Variants in ATM observed in about 807,000 individuals in gnomAD.
The protein encoded by ATM is ATM serine/threonine kinase, also known as serine-protein kinase ATM.
ATM carries 308 observed loss-of-function variants against 387.0 expected under a neutral mutation model. The observed-to-expected ratio is 0.80, with a 90% CI of 0.73 to 0.87. ATM has a LOEUF of 0.87. Ranked by LOEUF, ATM falls within the 40% of genes least tolerant of loss-of-function variation. ATM has a pLI of 0.00. For missense variants in ATM, 3,312 were observed against 3,560.9 expected, an observed-to-expected ratio of 0.93 and a Z score of 1.78; for synonymous variants, 1,156 against 1,187.3, an observed-to-expected ratio of 0.97 and a Z score of 0.54.
chr11:108,303,390 G>A (rs964841380), intron 36 of ATM, among the ~76,000 whole-genome samples: 2 of 152,024 alleles, frequency 1.3e-5, no homozygotes, highest in South Asian at 2.1e-4. Flanking sequence ...AAAGGAGTGG[G>A]GCAGCAATCA....
chr11:108,283,314 T>C (rs529636159), intron 25 of ATM, among the ~76,000 whole-genome samples: 3 of 152,344 alleles, frequency 2.0e-5, no homozygotes, highest in Admixed American at 6.5e-5. Context: ...AGTTATTACT[T>C]CTATTAGATT....
At chr11:108,322,888 T>C (rs2085337396) in intron 45 of ATM, among the ~76,000 whole-genome samples, 2 of 151,514 alleles carry the variant, frequency 1.3e-5, no homozygotes, top group Admixed American at 1.3e-4. Context: ...TGCTACTAGA[T>C]AAAAGAAGTG....
rs192262858 is a variant in ATM at position 108,310,451 on chromosome 11, A to G, written c.5918+136A>G. On this transcript the variant is annotated intron_variant, in intron 39 of 62. Coordinates refer to ENST00000675843, the MANE Select transcript of ATM (RefSeq NM_000051.4). The stretch of plus-strand genomic sequence containing the variant: ...AGATAGAAATTTTGTTTTAAAGTGA[A>G]ATTATAATAAATTTTTAAAAAGGAA... 145 of 785,826 alleles carry G rather than the reference A, an allele frequency of 1.8e-4. 2 individuals are homozygous for G. The African/African-American group carries it at 2.4e-3, about 13-fold the overall frequency. The allele number at this position is 785,826 out of a possible 1,614,324, so 48.7% of individuals were successfully genotyped here. A position where few individuals can be genotyped will look rare whatever the true frequency, so the allele number is the denominator to read the frequency against.
rs1385019623 is a variant in ATM at position 108,250,920 on chromosome 11, T to C, written c.1455T>C (p.Asn485=). The stretch of plus-strand genomic sequence containing the variant: ...AGTCAGATTTATTAAAACTCTGGAA[T>C]AAAATTTGGTGTATTACCTTTCGTG... ...SQKSDLLKLW[N]KIWCITFRGI... The change falls in exon 10 of 63, where the codon AAT becomes AAC. Residue 485 remains asparagine (N), a synonymous_variant. Coordinates refer to ENST00000675843, the MANE Select transcript of ATM (RefSeq NM_000051.4). 3.1e-6 allele frequency: 5 copies of C among 1,614,070 alleles called. No individual in the cohort carries two copies. The highest frequency in any genetic ancestry group is 2.7e-5 in the African/African-American group (2 of 74,928).
intron 59 of ATM, among the ~76,000 whole-genome samples, chr11:108,350,324 C>T (rs1447981420): frequency 2.6e-5 from 4 of 151,986 alleles, no homozygotes; most frequent in Non-Finnish European, 4.4e-5. Flanking sequence ...TTGTCTCTAC[C>T]CCTGGGCTGA....
At position 108,301,720 on chromosome 11, in the gene ATM, G is replaced by T. The variant is rs587779845; in HGVS notation, c.5250G>T (p.Trp1750Cys). 5.6e-6 allele frequency: 9 copies of T among 1,613,470 alleles called. No individual in the cohort carries two copies. Among genetic ancestry groups the T allele is most frequent in the Non-Finnish European group, 7.6e-6 (9 of 1,179,770 alleles). Residue 1750 changes from tryptophan to cysteine, a missense_variant, in exon 35 of 63, where the codon TGG (tryptophan) becomes TGT (cysteine). Transcript: ENST00000675843. ...CCACAAAGACTGGACATAGTTTCTG[G>T]GAGATTTATAAGATGACAACAGATC... ...ILATKTGHSF[W>C]EIYKMTTDPM...
chr11:108,363,111 A>C (rs1305118630), intron 61 of ATM, among the ~76,000 whole-genome samples: 1 of 152,064 alleles, frequency 6.6e-6, no homozygotes, highest in Admixed American at 6.6e-5. Context: ...TTCAAGAATA[A>C]TTTTCCCAGT....
rs2078887941 is a variant in ATM at position 108,229,253 on chromosome 11, A to G, written c.261A>G (p.Gln87=). The G allele has an allele frequency of 6.2e-7, 1 of 1,613,744 alleles. No individual in the cohort carries two copies. Among genetic ancestry groups the G allele is most frequent in the Admixed American group, 1.7e-5 (1 of 59,984 alleles). ...AACCAAATGTATCAGCCTCAACACAAGCCTCCAGGCAGAAAAAGATGCAGG... is the reference window on the plus strand; with the variant it reads ...AACCAAATGTATCAGCCTCAACACAGGCCTCCAGGCAGAAAAAGATGCAGG... ...IAKPNVSAST[Q]ASRQKKMQEI... The change falls in exon 4 of 63, where the codon CAA becomes CAG. Residue 87 remains glutamine (Q), a synonymous_variant. Coordinates refer to ENST00000675843, the MANE Select transcript of ATM (RefSeq NM_000051.4).
chr11:108,349,446 C>T (rs143490066), intron 59 of ATM, among the ~76,000 whole-genome samples: 120 of 152,184 alleles, frequency 7.9e-4, no homozygotes, highest in African/African-American at 2.6e-3. Context: ...AGGTGGATCA[C>T]GAGGTCAGGA....
intron 52 of ATM, among the ~76,000 whole-genome samples, 161 bp downstream of exon 52, chr11:108,332,198 C>T (rs1165358053): frequency 6.6e-6 from 1 of 152,168 alleles, no homozygotes; most frequent in East Asian, 1.9e-4. Flanking sequence ...GAGGCTGAGG[C>T]GGGTGGATTA....
chr11:108,365,980 A>G lies in ATM; in HGVS notation c.*472A>G, dbSNP rs2091298913. ...GGAGGTGAAGGTTGCTGTGGGCCAA[A>G]ATCATGCCATTGCACTCCAGCCTGG... On this transcript the variant is annotated 3_prime_UTR_variant, in exon 63 of 63. Coordinates refer to ENST00000675843, the MANE Select transcript of ATM (RefSeq NM_000051.4). 1.1e-5 allele frequency: 2 copies of G among 174,842 alleles called. No homozygotes were observed. Among genetic ancestry groups the G allele is most frequent in the Non-Finnish European group, 2.5e-5 (2 of 81,474 alleles). The allele number at this position is 174,842 out of a possible 1,614,324, so 10.8% of individuals were successfully genotyped here. A position where few individuals can be genotyped will look rare whatever the true frequency, so the allele number is the denominator to read the frequency against.
intron 5 of ATM, among the ~76,000 whole-genome samples, chr11:108,240,124 A>T (rs947349110): frequency 6.6e-6 from 1 of 152,214 alleles, no homozygotes; most frequent in South Asian, 2.1e-4. Flanking sequence ...CCAGAGTCCA[A>T]GGTTCACTTT....
intron 4 of ATM, among the ~76,000 whole-genome samples, chr11:108,233,316 T>TTA (rs2079111937): frequency 1.3e-5 from 2 of 152,154 alleles, no homozygotes; most frequent in African/African-American, 4.8e-5. Context: ...GCCTCTCTAA[T>TTA]CCTAGTACTT....
At chr11:108,273,331 C>A (rs1182949992) in intron 22 of ATM, among the ~76,000 whole-genome samples, 1 of 80,656 alleles carries the variant, frequency 1.2e-5, no homozygotes. Context: ...TAATTTCATT[C>A]TTTTTTTTTT....
rs1046542598 is a variant in ATM at position 108,323,070 on chromosome 11, A to G, written c.6572+1650A>G. Among the ~76,000 whole-genome samples the G allele has an allele frequency of 4.6e-5, 7 of 152,184 alleles. 1 individual carries two copies. The South Asian group carries it at 1.2e-3, about 27-fold the overall frequency. ...ATTATTATACGAGGGAAGAAAGAGG[A>G]TATAAATGACTAAGGTCACTCTACC... On this transcript the variant is annotated intron_variant, in intron 45 of 62. Coordinates refer to ENST00000675843, the MANE Select transcript of ATM (RefSeq NM_000051.4).
At chr11:108,309,596 C>T (rs951307794) in intron 38 of ATM, among the ~76,000 whole-genome samples, 2 of 152,170 alleles carry the variant, frequency 1.3e-5, no homozygotes, top group African/African-American at 4.8e-5. Context: ...CCCATCTCTA[C>T]AATGCTAGTT....
Position 108,332,898 on chromosome 11 carries a change from GAA to G in ATM, c.7926_7927del (p.Lys2643ArgfsTer12). On this transcript the variant is annotated frameshift_variant and splice_region_variant, in exon 53 of 63. Transcript: ENST00000675843. LOFTEE classifies it high-confidence loss of function. Reference sequence around the variant, plus strand: ...GATGCCACTCAGTGGAAGACTCAGAGAAGTATGTTTTTTTTAAAGAAGAAACG... The same window carrying G: ...GATGCCACTCAGTGGAAGACTCAGAGGTATGTTTTTTTTAAAGAAGAAACG... 6.2e-7 allele frequency: 1 copy of G among 1,611,930 alleles called. No individual in the cohort carries two copies. Among genetic ancestry groups the G allele is most frequent in the Non-Finnish European group, 8.5e-7 (1 of 1,179,526 alleles).
chr11:108,337,304 ATAAC>A (rs2086955904), intron 56 of ATM, among the ~76,000 whole-genome samples: 1 of 152,224 alleles, frequency 6.6e-6, no homozygotes, highest in South Asian at 2.1e-4. Context: ...TTCTGCAATA[ATAAC>A]TAACATAATA....
At chr11:108,335,144 T>G in intron 55 of ATM, 35 bp downstream of exon 55, 1 of 1,613,294 alleles carries the variant, frequency 6.2e-7, no homozygotes, top group Non-Finnish European at 8.5e-7. Flanking sequence ...GCCCTTAGAG[T>G]TTTAGTGATG....
Sources: gnomAD v4.1 joint callset for allele counts (sites outside exome capture counted in the v4.1 genomes callset) on GRCh38, gnomAD v4.1.1 for gene constraint, MANE v1.5 for transcripts, NCBI Gene and HGNC (gene_info 2026-07-23, HGNC 2026-07-21) for gene names.